Variants in COL11A1 observed in about 807,000 individuals in gnomAD.
The protein encoded by COL11A1 is collagen alpha-1(XI) chain.
COL11A1 carries 74 observed loss-of-function variants against 265.2 expected under a neutral mutation model. The ratio of observed to expected loss-of-function variants is 0.28; its 90% confidence interval spans 0.23 to 0.34. COL11A1 has a LOEUF of 0.34. Among genes scored for constraint, COL11A1 ranks in the 10% least tolerant of loss-of-function variants. The pLI is 1.00. For synonymous variants in COL11A1, 816 were observed against 727.6 expected, an observed-to-expected ratio of 1.12 and a Z score of -1.96; for missense variants, 2,165 against 2,263.6, an observed-to-expected ratio of 0.96 and a Z score of 0.88.
At chr1:103,030,885 T>C in intron 5 of COL11A1, 2 of 507,010 alleles carry the variant, frequency 3.9e-6, no homozygotes, top group South Asian at 4.0e-5. Flanking sequence ...ATACACAGTA[T>C]ACAAGTGAAG....
intron 4 of COL11A1, among the ~76,000 whole-genome samples, chr1:103,056,367 C>T (rs1428775549): frequency 2.0e-5 from 3 of 152,084 alleles, no homozygotes; most frequent in Non-Finnish European, 4.4e-5. Context: ...ATTAAAACTA[C>T]CTATATGAGG....
intron 64 of COL11A1, among the ~76,000 whole-genome samples, chr1:102,882,805 CTT>C (rs1244260142): frequency 6.6e-6 from 1 of 152,074 alleles, no homozygotes; most frequent in Non-Finnish European, 1.5e-5. Flanking sequence ...GCAGAAAAGA[CTT>C]GTATATAAAA....
At chr1:103,029,445 CTACT>C (rs1296085048) in intron 5 of COL11A1, among the ~76,000 whole-genome samples, 5 of 152,020 alleles carry the variant, frequency 3.3e-5, no homozygotes, top group Non-Finnish European at 7.4e-5. Flanking sequence ...AATATAAGCA[CTACT>C]TACTAATTCA....
chr1:103,042,772 TA>T (rs1271657577), intron 4 of COL11A1, among the ~76,000 whole-genome samples: 4 of 152,012 alleles, frequency 2.6e-5, no homozygotes, highest in Admixed American at 1.3e-4. Flanking sequence ...TGCTAATTAC[TA>T]GATTTCCCAG....
At chr1:102,997,777 CTATT>C (rs1664766575) in intron 25 of COL11A1, among the ~76,000 whole-genome samples, 2 of 151,596 alleles carry the variant, frequency 1.3e-5, no homozygotes, top group African/African-American at 4.8e-5. Context: ...TTGTTTATTA[CTATT>C]TAAAGGGAAA....
At chr1:103,047,478 G>T (rs191193628) in intron 4 of COL11A1, among the ~76,000 whole-genome samples, 8 of 152,294 alleles carry the variant, frequency 5.3e-5, no homozygotes, top group African/African-American at 1.9e-4. Context: ...TGCTGAGGTT[G>T]CTTATCAGCT....
intron 4 of COL11A1, among the ~76,000 whole-genome samples, chr1:103,054,735 C>T (rs1213423501): frequency 6.6e-6 from 1 of 151,992 alleles, no homozygotes; most frequent in African/African-American, 2.4e-5. Flanking sequence ...AACCTTGTCT[C>T]TACTAAAATT....
intron 5 of COL11A1, 118 bp from the exon 6 acceptor site, chr1:103,026,450 T>A: frequency 1.4e-6 from 1 of 732,990 alleles, no homozygotes. Flanking sequence ...AAATTAATGT[T>A]ATTGATGAGT....
chr1:102,928,346 C>A (rs866987527), intron 46 of COL11A1, among the ~76,000 whole-genome samples: 1 of 149,122 alleles, frequency 6.7e-6, no homozygotes, highest in African/African-American at 2.5e-5. Context: ...TGAGAATATG[C>A]GGTGTTTGGT....
chr1:102,959,998 T>A (rs571696213), intron 41 of COL11A1, among the ~76,000 whole-genome samples: 2 of 152,278 alleles, frequency 1.3e-5, no homozygotes, highest in East Asian at 3.9e-4. Context: ...TTTACTGAAA[T>A]TTTAGAAGAT....
chr1:103,030,563 A>G (rs989077403), intron 5 of COL11A1, among the ~76,000 whole-genome samples: 1 of 152,034 alleles, frequency 6.6e-6, no homozygotes, highest in African/African-American at 2.4e-5. Flanking sequence ...ATCCAAAAAA[A>G]AAAAATCCAA....
intron 5 of COL11A1, among the ~76,000 whole-genome samples, chr1:103,030,150 C>T (rs550002638): frequency 1.3e-5 from 2 of 152,134 alleles, no homozygotes; most frequent in South Asian, 4.1e-4. Flanking sequence ...TACATGATAA[C>T]TGTGAAACAG....
In COL11A1 at chr1:102,940,422, G is replaced by T. The variant is rs762283688; in HGVS notation, c.3289C>A (p.Pro1097Thr). ...GEKGAPGEKG[P>T]QGPAGRDGVQ... ...CCATCTCTCCCTGCAGGCCCTTGGGGACCTTTTTCTCCCTGTATTGAATAT... is the reference window on the plus strand; with the variant it reads ...CCATCTCTCCCTGCAGGCCCTTGGGTACCTTTTTCTCCCTGTATTGAATAT... Residue 1097 changes from proline to threonine, a missense_variant, in exon 43 of 67, where the codon CCC becomes ACC. By Grantham distance (38) the Pro-to-Thr change is conservative. Transcript: ENST00000370096. 1.2e-6 allele frequency: 2 copies of T among 1,613,490 alleles called. No homozygotes were observed. Among genetic ancestry groups the T allele is most frequent in the Admixed American group, 1.7e-5 (1 of 59,906 alleles).
intron 28 of COL11A1, among the ~76,000 whole-genome samples, chr1:102,990,980 C>A (rs1457200295): frequency 6.6e-6 from 1 of 152,088 alleles, no homozygotes; most frequent in Non-Finnish European, 1.5e-5. Context: ...TTGCAGCGAA[C>A]CAAGATCACT....
chr1:102,878,073 A>T lies in COL11A1; in HGVS notation c.5367T>A (p.Gly1789=), dbSNP rs1402730300. The change falls in exon 67 of 67, where the codon GGT becomes GGA. Residue 1789 remains glycine, a synonymous_variant. Coordinates refer to ENST00000370096, the MANE Select transcript of COL11A1 (RefSeq NM_001854.4). The part of the protein sequence containing the change: ...PIVDVMINDF[G]DQNQKFGFEV... The stretch of plus-strand genomic sequence containing the variant: ...CAAATCCGAACTTCTGATTCTGATC[A>T]CCAAAGTCATTGATCATGACATCAA... 6.2e-7 allele frequency: 1 copy of T among 1,613,708 alleles called. No homozygotes were observed. The highest frequency in any genetic ancestry group is 2.2e-5 in the East Asian group (1 of 44,830).
chr1:102,970,614 TCCC>T (rs531265025), intron 36 of COL11A1, among the ~76,000 whole-genome samples: 247 of 152,260 alleles, frequency 1.6e-3, no homozygotes, highest in African/African-American at 5.5e-3. Flanking sequence ...AATGAGTATT[TCCC>T]CCTTTTTGGT....
intron 54 of COL11A1, among the ~76,000 whole-genome samples, chr1:102,903,247 A>G (rs565456363): frequency 3.2e-4 from 49 of 152,198 alleles, no homozygotes; most frequent in African/African-American, 1.1e-3. Context: ...ATGTACTATG[A>G]ATGATAATGT....
intron 1 of COL11A1, among the ~76,000 whole-genome samples, chr1:103,084,796 T>C (rs1428062696): frequency 1.3e-5 from 2 of 152,196 alleles, no homozygotes; most frequent in African/African-American, 4.8e-5. Flanking sequence ...TGGAAACTTC[T>C]ACATTGAGCA....
intron 36 of COL11A1, among the ~76,000 whole-genome samples, chr1:102,970,600 C>T (rs1281257873): frequency 6.6e-6 from 1 of 152,134 alleles, no homozygotes; most frequent in African/African-American, 2.4e-5. Flanking sequence ...TTTAGCACTT[C>T]ACAAATGAGT....
Sources: allele counts gnomAD v4.1 joint callset (sites outside exome capture counted in the v4.1 genomes callset), GRCh38; gene constraint gnomAD v4.1.1; transcripts MANE v1.5; gene names NCBI Gene and HGNC (gene_info 2026-07-23, HGNC 2026-07-21).